Variants in MYO18A observed in about 807,000 individuals in gnomAD.
MYO18A encodes unconventional myosin-XVIIIa.
In MYO18A, 78 loss-of-function variants were observed where a neutral mutation model predicts 235.8. The observed-to-expected ratio is 0.33, with a 90% confidence interval of 0.28 to 0.40. The LOEUF (loss-of-function observed/expected upper bound fraction) is 0.40, where lower values mean the gene tolerates loss of function less well. Ranked by LOEUF, MYO18A falls within the 10% of genes least tolerant of loss-of-function variation. The probability of loss-of-function intolerance (pLI) is 1.00; values close to 1 mark genes in which losing one functional copy is unlikely to be tolerated. For missense variants in MYO18A, 2,215 were observed against 2,699.3 expected (o/e 0.82, Z 3.98); for synonymous variants, 977 against 1,077.8 (o/e 0.91, Z 1.83).
chr17:29,094,341 C>T, intron 30 of MYO18A: 1 of 599,444 alleles, frequency 1.7e-6, no homozygotes, highest in East Asian at 2.8e-5. Context: ...CCTGCAGGCT[C>T]TAGCTCCCTG....
chr17:29,094,140 C>A (rs1288731974), intron 30 of MYO18A, 50 bp from the exon 31 acceptor site: 2 of 1,350,372 alleles, frequency 1.5e-6, no homozygotes, highest in African/African-American at 1.4e-5. Flanking sequence ...CTGTGGCCAC[C>A]CCCTTCCCAC....
At chr17:29,124,158 G>A (rs971483568) in intron 2 of MYO18A, among the ~76,000 whole-genome samples, 1 of 152,190 alleles carries the variant, frequency 6.6e-6, no homozygotes, top group African/African-American at 2.4e-5. Context: ...CAGGTATTTG[G>A]GGACTGATGA....
intron 1 of MYO18A, among the ~76,000 whole-genome samples, chr17:29,178,432 C>T (rs1325020886): frequency 1.7e-5 from 2 of 117,914 alleles, no homozygotes; most frequent in Non-Finnish European, 3.3e-5. Flanking sequence ...CCTTCTCATT[C>T]CCCTAATCCC....
intron 2 of MYO18A, among the ~76,000 whole-genome samples, chr17:29,164,930 G>T (rs549459889): frequency 2.2e-4 from 34 of 152,266 alleles, no homozygotes; most frequent in African/African-American, 7.9e-4. Context: ...GCTTTTCCAG[G>T]TCCATGCTTT....
chr17:29,103,969 G>T (rs1163165206), intron 20 of MYO18A, among the ~76,000 whole-genome samples: 1 of 152,244 alleles, frequency 6.6e-6, no homozygotes, highest in Non-Finnish European at 1.5e-5. Context: ...ATACAAGTGA[G>T]AATTTGTTGG....
chr17:29,126,299 A>T lies in MYO18A; in HGVS notation c.1000-4046T>A, dbSNP rs2152877055. On this transcript the variant is annotated intron_variant, in intron 2 of 41. Coordinates refer to ENST00000527372, the MANE Select transcript of MYO18A (RefSeq NM_078471.4). The surrounding 1 kb of genome is among the most constrained non-coding windows in gnomAD (Gnocchi z 4.1). ...CAGCTCCCATCTCCTCCCTTGTGAG[A>T]GGAGGAGGGACGGGGAGGAGGGACG... is the stretch of plus-strand genomic sequence containing the variant. 6.8e-6 allele frequency among the ~76,000 whole-genome samples: 1 copy of T among 147,606 alleles called. No homozygotes were observed.
chr17:29,119,793 A>C (rs893845547), intron 7 of MYO18A, among the ~76,000 whole-genome samples: 1 of 151,780 alleles, frequency 6.6e-6, no homozygotes, highest in Non-Finnish European at 1.5e-5. Flanking sequence ...TGAGCTCCTG[A>C]CCTCAGGTGA....
chr17:29,109,731 C>G lies in MYO18A; in HGVS notation c.3331+127G>C. The stretch of plus-strand genomic sequence containing the variant: ...TGGGAGAGATGAGGAGAGACCAGAG[C>G]AGAAAGGATCGTGAGGAAAGACAGG... On this transcript the variant is annotated intron_variant, in intron 19 of 41. Coordinates refer to ENST00000527372, the MANE Select transcript of MYO18A (RefSeq NM_078471.4). This position sits in a 1 kb window ranked among gnomAD's most constrained non-coding sequence, Gnocchi z 4.1. 8.1e-7 allele frequency: 1 copy of G among 1,228,208 alleles called. No individual in the cohort carries two copies. Among genetic ancestry groups the G allele is most frequent in the African/African-American group, 1.5e-5 (1 of 66,252 alleles). The allele number at this position is 1,228,208 out of a possible 1,614,324, so 76.1% of individuals were successfully genotyped here.
At chr17:29,079,099 A>G (rs1275367312) in intron 41 of MYO18A, among the ~76,000 whole-genome samples, 2 of 152,180 alleles carry the variant, frequency 1.3e-5, no homozygotes, top group Non-Finnish European at 2.9e-5. Context: ...AAAAGGCCCA[A>G]TAATAGCTTA....
At chr17:29,112,350 C>T (rs2066952112) in intron 15 of MYO18A, among the ~76,000 whole-genome samples, 1 of 152,212 alleles carries the variant, frequency 6.6e-6, no homozygotes, top group African/African-American at 2.4e-5. Flanking sequence ...CCAGAGGGGG[C>T]TCAGATGGCT....
chr17:29,086,660 C>A, intron 38 of MYO18A, 83 bp from the exon 39 acceptor site: 7 of 1,519,298 alleles, frequency 4.6e-6, no homozygotes, highest in Non-Finnish European at 6.2e-6. Flanking sequence ...CAAGTACTTT[C>A]CGGTCATGGG....
chr17:29,169,473 G>A (rs1670510208), intron 1 of MYO18A, among the ~76,000 whole-genome samples: 1 of 152,156 alleles, frequency 6.6e-6, no homozygotes, highest in African/African-American at 2.4e-5. Context: ...ATTTGGGGTG[G>A]AGGAGTACCT....
At chr17:29,094,294 A>G in intron 30 of MYO18A, 1 of 602,020 alleles carries the variant, frequency 1.7e-6, no homozygotes, top group Non-Finnish European at 2.9e-6. Flanking sequence ...ACAGAGAGGC[A>G]GCTGGGGTGG....
rs750225402 is a variant in MYO18A, at chr17:29,118,112, A to T, written c.1971T>A (p.Asp657Glu). ...AAMKVLGISP[D>E]EQKACWFILA... ...GAATGAACCAGCAGGCCTTCTGTTC[A>T]TCGGGGGAGATGCCCAGCACCTTCA... The change falls in exon 10 of 42, where the codon GAT becomes GAA. Residue 657 changes from aspartate (D) to glutamate (E), a missense_variant. Physicochemically the swap from Asp to Glu is conservative, Grantham distance 45. Transcript: ENST00000527372. This position sits in a 1 kb window ranked among gnomAD's most constrained non-coding sequence, Gnocchi z 4.2. 1.3e-6 allele frequency: 2 copies of T among 1,594,766 alleles called. No homozygotes were observed. The highest frequency in any genetic ancestry group is 1.7e-5 in the Admixed American group (1 of 57,578).
At chr17:29,088,530 G>C (rs1479895342) in intron 37 of MYO18A, among the ~76,000 whole-genome samples, 1 of 152,142 alleles carries the variant, frequency 6.6e-6, no homozygotes, top group Non-Finnish European at 1.5e-5. Context: ...GCTGATGGAG[G>C]AGGTGACAGG....
chr17:29,074,405 C>T lies in MYO18A; in HGVS notation c.*365G>A. 1.6e-6 allele frequency: 1 copy of T among 612,650 alleles called. No homozygotes were observed. Among genetic ancestry groups the T allele is most frequent in the South Asian group, 2.2e-5 (1 of 45,146 alleles). The allele number at this position is 612,650 out of a possible 1,614,324, so 38.0% of individuals were successfully genotyped here. ...CCATGGACCCAGCAACCTAGAGTGT[C>T]CCAGTAGGCAACCTGTCCACCGTCC... On this transcript the variant is annotated 3_prime_UTR_variant, in exon 42 of 42. Coordinates refer to ENST00000527372, the MANE Select transcript of MYO18A (RefSeq NM_078471.4). This position sits in a 1 kb window ranked among gnomAD's most constrained non-coding sequence, Gnocchi z 4.4.
At chr17:29,127,984 C>A in intron 2 of MYO18A, 1 of 1,003,098 alleles carries the variant, frequency 1.0e-6, no homozygotes, top group Non-Finnish European at 1.2e-6. Context: ...GGGCTTCAGG[C>A]TTGGCTGGGG....
chr17:29,171,909 A>G (rs561292439), intron 1 of MYO18A, among the ~76,000 whole-genome samples: 15 of 152,162 alleles, frequency 9.9e-5, no homozygotes, highest in South Asian at 2.1e-4. Context: ...AAGAAAGAAA[A>G]AAAAAAAAAA....
chr17:29,088,178 C>T (rs987421132), intron 37 of MYO18A, among the ~76,000 whole-genome samples: 5 of 151,536 alleles, frequency 3.3e-5, no homozygotes, highest in Admixed American at 6.6e-5. Flanking sequence ...CCTCAGCCTC[C>T]GGAGTAGCTG....
Sources: allele counts gnomAD v4.1 joint callset (sites outside exome capture counted in the v4.1 genomes callset), GRCh38; gene constraint gnomAD v4.1.1; non-coding constraint Gnocchi (gnomAD v3.1); transcripts MANE v1.5; gene names NCBI Gene and HGNC (gene_info 2026-07-23, HGNC 2026-07-21).